Variants in SP4 observed in about 807,000 individuals in gnomAD.
The protein encoded by SP4 is transcription factor Sp4.
In SP4, 19 loss-of-function variants were observed where a neutral mutation model predicts 72.8. The observed-to-expected ratio is 0.26, with a 90% confidence interval of 0.18 to 0.38. The LOEUF is 0.38. Ranked by LOEUF, SP4 falls within the 10% of genes least tolerant of loss-of-function variation. SP4 has a pLI of 1.00. For synonymous variants in SP4, 395 were observed against 333.1 expected, an observed-to-expected ratio of 1.19 and a Z score of -2.02; for missense variants, 1,008 against 926.3, an observed-to-expected ratio of 1.09 and a Z score of -1.14.
intron 5 of SP4, chr7:21,482,722 T>C: frequency 2.0e-6 from 2 of 975,924 alleles, no homozygotes; most frequent in South Asian, 4.7e-5. Context: ...CTCTGACATA[T>C]ATGATTAATG....
chr7:21,444,831 C>T (rs1442769680), intron 3 of SP4, among the ~76,000 whole-genome samples: 1 of 151,996 alleles, frequency 6.6e-6, no homozygotes, highest in South Asian at 2.1e-4. Flanking sequence ...AAAACAAGTC[C>T]GGGTGAATAG....
chr7:21,432,181 T>G (rs1475361669), intron 3 of SP4, among the ~76,000 whole-genome samples: 2 of 152,234 alleles, frequency 1.3e-5, no homozygotes, highest in East Asian at 3.8e-4. Context: ...TAGCCACATG[T>G]GGCTAGTGGC....
At position 21,511,161 on chromosome 7, in the gene SP4, A is replaced by G; in HGVS notation, c.2247A>G (p.Ser749=). ...LAIVTSGELD[S]SVTEVLGSPR... ...TTGTTACCTCGGGAGAACTGGACTC[A>G]TCTGTTACAGAGGTGCTTGGCTCCC... The change falls in exon 6 of 6, where the codon TCA becomes TCG. Residue 749 remains serine, a synonymous_variant. Transcript: ENST00000222584. The G allele has an allele frequency of 1.1e-5, 17 of 1,614,216 alleles. No homozygotes were observed. Among genetic ancestry groups the G allele is most frequent in the Non-Finnish European group, 1.4e-5 (17 of 1,180,028 alleles).
At chr7:21,479,099 A>AT (rs1357525528) in intron 4 of SP4, among the ~76,000 whole-genome samples, 2 of 151,692 alleles carry the variant, frequency 1.3e-5, no homozygotes, top group Non-Finnish European at 2.9e-5. Context: ...AAAGAAAAAT[A>AT]TTGTCTCCCA....
chr7:21,477,051 A>G (rs1180038556), intron 3 of SP4, 28 bp from the exon 4 acceptor site: 1 of 1,561,370 alleles, frequency 6.4e-7, no homozygotes, highest in East Asian at 2.2e-5. Context: ...AAAACATTAC[A>G]ATACTTCTTT....
intron 3 of SP4, among the ~76,000 whole-genome samples, chr7:21,453,108 A>G (rs116035453): frequency 0.033 from 4,976 of 152,314 alleles, 252 homozygotes; most frequent in African/African-American, 0.11. Context: ...TAAATAGCTC[A>G]AAAGTTTTCT....
chr7:21,489,779 T>G (rs1485450649), intron 5 of SP4, among the ~76,000 whole-genome samples: 2 of 152,004 alleles, frequency 1.3e-5, no homozygotes, highest in Non-Finnish European at 2.9e-5. Flanking sequence ...CAGGATGATC[T>G]CAATCTCCTG....
intron 5 of SP4, among the ~76,000 whole-genome samples, chr7:21,487,434 C>T (rs536023390): frequency 3.1e-5 from 4 of 128,322 alleles, no homozygotes; most frequent in Non-Finnish European, 4.8e-5. Flanking sequence ...TTTGGTCTTA[C>T]AGTTTTTCTC....
chr7:21,458,053 A>G (rs1457986330), intron 3 of SP4, among the ~76,000 whole-genome samples: 1 of 152,182 alleles, frequency 6.6e-6, no homozygotes, highest in Non-Finnish European at 1.5e-5. Flanking sequence ...CGAAGAAGAA[A>G]TGTTGGGGTC....
At chr7:21,495,498 A>G (rs1442668130) in intron 5 of SP4, among the ~76,000 whole-genome samples, 1 of 152,142 alleles carries the variant, frequency 6.6e-6, no homozygotes, top group South Asian at 2.1e-4. Flanking sequence ...GATGTCTGAT[A>G]TCATCTATTA....
intron 3 of SP4, among the ~76,000 whole-genome samples, chr7:21,434,057 C>A (rs530285061): frequency 1.8e-4 from 27 of 152,188 alleles, no homozygotes; most frequent in African/African-American, 6.3e-4. Context: ...ATAAATGAGC[C>A]CTGAAAGTTC....
At chr7:21,510,934 T>C (rs1782124690) in intron 5 of SP4, 88 bp from the exon 6 acceptor site, 1 of 1,312,490 alleles carries the variant, frequency 7.6e-7, no homozygotes, top group Non-Finnish European at 1.0e-6. Context: ...CAAAAAGTCA[T>C]ATAATGTGAC....
chr7:21,512,293 C>T lies in SP4; in HGVS notation c.*1024C>T, dbSNP rs1311129184. The T allele has an allele frequency of 3.3e-5, 5 of 152,522 alleles. 1 individual carries two copies. The highest frequency in any genetic ancestry group is 1.2e-4 in the African/African-American group (5 of 41,412). The allele number at this position is 152,522 out of a possible 1,614,324, so 9.4% of individuals were successfully genotyped here. A position where few individuals can be genotyped will look rare whatever the true frequency, so the allele number is the denominator to read the frequency against. On this transcript the variant is annotated 3_prime_UTR_variant, in exon 6 of 6. Transcript: ENST00000222584. ...CCAGCAGAAAATTCTCTTTTAACTA[C>T]ATTGTAATTCTTGTTTTCCTCTACT...
At position 21,430,609 on chromosome 7, in the gene SP4, A is replaced by C; in HGVS notation, c.1444A>C (p.Asn482His). 6.2e-7 allele frequency: 1 copy of C among 1,614,218 alleles called. No individual in the cohort carries two copies. The highest frequency in any genetic ancestry group is 8.5e-7 in the Non-Finnish European group (1 of 1,180,040). Residue 482 changes from asparagine to histidine, a missense_variant, in exon 3 of 6, where the codon AAT (asparagine) becomes CAT (histidine). By Grantham distance (68) the Asn-to-His change is moderately conservative. Coordinates refer to ENST00000222584, the MANE Select transcript of SP4 (RefSeq NM_003112.5). ...GGTTCAGAATATTCAGAGTCTTTCAAATTTGCAAGTTCAGAATGCTGGGTT... is the reference window on the plus strand; with the variant it reads ...GGTTCAGAATATTCAGAGTCTTTCACATTTGCAAGTTCAGAATGCTGGGTT... ...VQVQNIQSLS[N>H]LQVQNAGLSQ... is the part of the protein sequence containing the mutation.
At chr7:21,441,354 G>T (rs897080547) in intron 3 of SP4, among the ~76,000 whole-genome samples, 14 of 152,162 alleles carry the variant, frequency 9.2e-5, no homozygotes, top group African/African-American at 3.4e-4. Flanking sequence ...GGGAATGATG[G>T]GTTCTCTTCT....
rs933645688 is a variant in SP4 at position 21,428,704 on chromosome 7, C to T, written c.35C>T (p.Ala12Val). ...CAGAAGAAGGAGGAGGAGGAGGAGG[C>T]GGCAGCGGCAGCGGCGATGGCTACA... ...SDQKKEEEEE[A>V]AAAAAMATEG... The change falls in exon 2 of 6, where the codon GCG becomes GTG. Residue 12 changes from alanine to valine, a missense_variant. Ala to Val is a moderately conservative substitution (Grantham distance 64, BLOSUM62 0). Around this residue, in one of 3 missense-constraint regions of SP4, gnomAD observed 893 missense variants for 743.3 expected, o/e 1.20. Transcript: ENST00000222584. 3.9e-6 allele frequency: 6 copies of T among 1,553,064 alleles called. No individual in the cohort carries two copies. Among genetic ancestry groups the T allele is most frequent in the Non-Finnish European group, 5.2e-6 (6 of 1,147,652 alleles).
intron 3 of SP4, 148 bp from the exon 4 acceptor site, chr7:21,476,931 T>C (rs1245404175): frequency 3.4e-5 from 21 of 617,932 alleles, no homozygotes; most frequent in Middle Eastern, 4.3e-4. Flanking sequence ...TTTAGAAGGA[T>C]TGACATAGTA....
Position 21,430,727 on chromosome 7 carries a change from CTT to C in SP4, c.1564_1565del (p.Leu522GlufsTer10), listed in dbSNP as rs1179943139. The C allele has an allele frequency of 2.5e-6, 4 of 1,614,200 alleles. No individual in the cohort carries two copies. Among genetic ancestry groups the C allele is most frequent in the Non-Finnish European group, 3.4e-6 (4 of 1,180,034 alleles). ...GTGGCTGTTGCTGGTGCCCCAATAA[CTT>C]TGAATACTGCCCAGCTTGCATCAGT... On this transcript the variant is annotated frameshift_variant, in exon 3 of 6. Coordinates refer to ENST00000222584, the MANE Select transcript of SP4 (RefSeq NM_003112.5). LOFTEE classifies it high-confidence loss of function.
intron 3 of SP4, among the ~76,000 whole-genome samples, chr7:21,444,272 T>C (rs1240513225): frequency 6.6e-6 from 1 of 152,202 alleles, no homozygotes; most frequent in Non-Finnish European, 1.5e-5. Flanking sequence ...ATTATGCAGT[T>C]TTCTTTAATG....
Sources: gnomAD v4.1 joint callset for allele counts (sites outside exome capture counted in the v4.1 genomes callset) on GRCh38, gnomAD v4.1.1 for gene constraint, gnomAD v4.1.1 regional missense constraint, MANE v1.5 for transcripts, NCBI Gene and HGNC (gene_info 2026-07-23, HGNC 2026-07-21) for gene names.